The following MTUS2 variants were observed in gnomAD, a reference collection of about 807,000 sequenced individuals.
MTUS2 encodes microtubule associated scaffold protein 2, also known as microtubule-associated tumor suppressor candidate 2.
Under a neutral mutation model 114.1 loss-of-function variants are expected in MTUS2, and 40 were observed. The ratio of observed to expected loss-of-function variants is 0.35; its 90% CI spans 0.27 to 0.46. MTUS2 has a LOEUF of 0.46. Among genes scored for constraint, MTUS2 ranks in the 20% least tolerant of loss-of-function variants. MTUS2 has a pLI of 1.00. For synonymous variants in MTUS2, 688 were observed against 672.0 expected, an observed-to-expected ratio of 1.02 and a Z score of -0.37; for missense variants, 1,679 against 1,705.4, an observed-to-expected ratio of 0.98 and a Z score of 0.27.
At chr13:29,141,158 T>C (rs987476964) in intron 5 of MTUS2, among the ~76,000 whole-genome samples, 3 of 152,246 alleles carry the variant, frequency 2.0e-5, no homozygotes, top group Non-Finnish European at 2.9e-5. Context: ...TCCACAAATG[T>C]TGAGCACCAA....
intron 8 of MTUS2, among the ~76,000 whole-genome samples, chr13:29,383,518 A>T (rs192379450): frequency 6.6e-6 from 1 of 152,278 alleles, no homozygotes; most frequent in Admixed American, 6.5e-5. Flanking sequence ...GACTCTTTTC[A>T]AATTTTGTTT....
At chr13:29,036,399 C>T (rs563554345) in intron 4 of MTUS2, among the ~76,000 whole-genome samples, 2 of 152,234 alleles carry the variant, frequency 1.3e-5, no homozygotes, top group South Asian at 2.1e-4. Flanking sequence ...TAAACAAGGA[C>T]AGATTTGTTT....
At position 29,316,505 on chromosome 13, in the gene MTUS2, C is replaced by T. The variant is rs559301278; in HGVS notation, c.2807-8108C>T. On this transcript the variant is annotated intron_variant, in intron 6 of 15. Coordinates refer to ENST00000612955, the MANE Select transcript of MTUS2 (RefSeq NM_001033602.4). Reference sequence around the variant, plus strand: ...CCTTCCTGCCCTCTCCCCAACACCCCGACTCTCTTCTAAGCTTTCTCACCC... The same window carrying T: ...CCTTCCTGCCCTCTCCCCAACACCCTGACTCTCTTCTAAGCTTTCTCACCC... Among the ~76,000 whole-genome samples, 15 of 152,274 alleles carry T rather than the reference C, an allele frequency of 9.9e-5. No individual in the cohort carries two copies. In the South Asian group the frequency reaches 2.1e-3, roughly 21 times the overall value.
intron 5 of MTUS2, among the ~76,000 whole-genome samples, chr13:29,159,596 C>T (rs559885634): frequency 6.6e-6 from 1 of 151,884 alleles, no homozygotes; most frequent in Admixed American, 6.6e-5. Context: ...TATTTGCAAA[C>T]CACATATCTG....
chr13:29,242,251 C>T (rs1896760141), intron 5 of MTUS2, among the ~76,000 whole-genome samples: 1 of 152,186 alleles, frequency 6.6e-6, no homozygotes, highest in Admixed American at 6.5e-5. Context: ...ATCCCTATTT[C>T]TATCCCCAGC....
At chr13:29,176,919 C>T (rs768765428) in intron 5 of MTUS2, among the ~76,000 whole-genome samples, 10 of 151,074 alleles carry the variant, frequency 6.6e-5, no homozygotes, top group South Asian at 4.1e-4. Context: ...ATGGAGTCCC[C>T]GGCAGGCATG....
chr13:29,222,905 AC>A (rs1421314062), intron 5 of MTUS2, among the ~76,000 whole-genome samples: 1 of 152,288 alleles, frequency 6.6e-6, no homozygotes, highest in East Asian at 1.9e-4. Context: ...TCAGGACATC[AC>A]CAACATGCCA....
chr13:29,358,485 G>A, intron 7 of MTUS2, among the ~76,000 whole-genome samples: 1 of 152,356 alleles, frequency 6.6e-6, no homozygotes, highest in South Asian at 2.1e-4. Flanking sequence ...CCATGGTAAG[G>A]TGTGTGGACT....
intron 15 of MTUS2, among the ~76,000 whole-genome samples, chr13:29,502,328 C>T (rs1347416387): frequency 6.6e-6 from 1 of 152,238 alleles, no homozygotes; most frequent in East Asian, 1.9e-4. Flanking sequence ...GCAAGCAATT[C>T]GGATTCATTT....
chr13:29,483,351 G>A (rs922038178), intron 10 of MTUS2, among the ~76,000 whole-genome samples: 7 of 152,212 alleles, frequency 4.6e-5, no homozygotes, highest in East Asian at 3.8e-4. Flanking sequence ...CACCTCCGTC[G>A]TGACAAAGCC....
At chr13:29,075,586 G>A (rs1396180230) in intron 4 of MTUS2, among the ~76,000 whole-genome samples, 2 of 152,120 alleles carry the variant, frequency 1.3e-5, no homozygotes, top group Non-Finnish European at 2.9e-5. Flanking sequence ...TTAGATAAAA[G>A]CCACATCAAA....
intron 2 of MTUS2, among the ~76,000 whole-genome samples, chr13:28,917,284 A>G (rs1408513673): frequency 1.3e-5 from 2 of 151,866 alleles, no homozygotes; most frequent in Middle Eastern, 3.4e-3. Context: ...TGTAGAATGA[A>G]TTTGGAAGTG....
chr13:29,317,099 A>T (rs957617510), intron 6 of MTUS2, among the ~76,000 whole-genome samples: 2 of 152,184 alleles, frequency 1.3e-5, no homozygotes, highest in Non-Finnish European at 2.9e-5. Context: ...CCTTAGTCTT[A>T]TCCAGGTAAT....
intron 6 of MTUS2, among the ~76,000 whole-genome samples, chr13:29,299,872 A>C (rs1899117977): frequency 6.6e-6 from 1 of 152,160 alleles, no homozygotes. Context: ...CATGAAAAAA[A>C]AAATTGCACA....
chr13:29,107,205 A>G (rs1462545077), intron 5 of MTUS2, among the ~76,000 whole-genome samples: 1 of 151,838 alleles, frequency 6.6e-6, no homozygotes, highest in Non-Finnish European at 1.5e-5. Flanking sequence ...TATCACTTTT[A>G]TTACCTACTA....
intron 6 of MTUS2, chr13:29,307,007 T>C (rs1450819852): frequency 1.9e-6 from 1 of 537,904 alleles, no homozygotes; most frequent in Non-Finnish European, 3.6e-6. Flanking sequence ...ATCACCATCT[T>C]CCAGGAGCGA....
At chr13:29,454,734 C>T (rs73444078) in intron 9 of MTUS2, among the ~76,000 whole-genome samples, 4,114 of 152,320 alleles carry the variant, frequency 0.027, 187 homozygotes, top group African/African-American at 0.094. Context: ...TGTATAAATA[C>T]TAATGGCATC....
At chr13:29,232,406 A>G (rs1255614094) in intron 5 of MTUS2, among the ~76,000 whole-genome samples, 2 of 152,198 alleles carry the variant, frequency 1.3e-5, no homozygotes, top group East Asian at 3.9e-4. Context: ...TTATGTAATC[A>G]TAAATTCCAA....
chr13:28,965,090 C>T (rs1883517720), intron 2 of MTUS2, among the ~76,000 whole-genome samples: 1 of 152,076 alleles, frequency 6.6e-6, no homozygotes. Flanking sequence ...TGTTTTAACC[C>T]GTGTTGTCAT....
Sources: allele counts gnomAD v4.1 joint callset (sites outside exome capture counted in the v4.1 genomes callset), GRCh38; gene constraint gnomAD v4.1.1; transcripts MANE v1.5; gene names NCBI Gene and HGNC (gene_info 2026-07-23, HGNC 2026-07-21).